Variants in MAP1LC3A observed in about 807,000 individuals in gnomAD.
MAP1LC3A encodes microtubule associated protein 1 light chain 3 alpha, also known as microtubule-associated protein 1 light chain 3 alpha.
A neutral mutation model predicts 15.2 loss-of-function variants in MAP1LC3A; 10 were observed. The ratio of observed to expected loss-of-function variants is 0.66; its 90% CI spans 0.41 to 1.12. The LOEUF (loss-of-function observed/expected upper bound fraction) is 1.12. MAP1LC3A is among the 50% of genes most tolerant of loss of function. MAP1LC3A has a pLI of 0.00. For synonymous variants in MAP1LC3A, 63 were observed against 64.3 expected, an observed-to-expected ratio of 0.98 and a Z score of 0.10; for missense variants, 138 against 167.3, an observed-to-expected ratio of 0.82 and a Z score of 0.97.
At chr20:34,549,853 A>G (rs1208655248) in intron 1 of MAP1LC3A, 3 of 748,762 alleles carry the variant, frequency 4.0e-6, no homozygotes, top group Non-Finnish European at 7.0e-6. Flanking sequence ...GTCCAGAGTC[A>G]GTCCCTCCTG....
intron 2 of MAP1LC3A, among the ~76,000 whole-genome samples, chr20:34,553,335 C>T (rs1279507437): frequency 6.6e-6 from 1 of 152,040 alleles, no homozygotes; most frequent in Non-Finnish European, 1.5e-5. Context: ...CAAGCAGACA[C>T]ATGAAGTAGA....
upstream of MAP1LC3A, among the ~76,000 whole-genome samples, chr20:34,555,272 A>T (rs1982113106): frequency 6.6e-6 from 1 of 151,850 alleles, no homozygotes. Flanking sequence ...CAGCCTCCCA[A>T]GTAGCTGAGA....
rs140921336 is a variant in MAP1LC3A, at chr20:34,550,611, G to A, written c.52+582G>A. On this transcript the variant is annotated intron_variant, in intron 2 of 4. Transcript: ENST00000374837. ...ACCACTACACACCCGCCAAAATGGC[G>A]AAACGAAAATGAACACCACCAAACG... 1.7e-3 allele frequency among the ~76,000 whole-genome samples: 257 copies of A among 152,206 alleles called. 1 individual carries two copies. Among genetic ancestry groups the A allele is most frequent in the African/African-American group, 5.7e-3 (238 of 41,510 alleles).
At chr20:34,556,067 C>T (rs1455222401), upstream of MAP1LC3A, among the ~76,000 whole-genome samples, 2 of 152,110 alleles carry the variant, frequency 1.3e-5, no homozygotes, top group African/African-American at 4.8e-5. Context: ...TGGTCTCGAT[C>T]TCCTGACCTC....
Position 34,559,966 on chromosome 20 carries a change from G to A in MAP1LC3A, c.*68G>A. ...GTCAGGCCCTGCCCAGAGAGCTCCT[G>A]GTTCCTGAACTGAGCTGCCTCTACC... is the stretch of plus-strand genomic sequence containing the variant. On this transcript the variant is annotated 3_prime_UTR_variant, in exon 4 of 4. Transcript: ENST00000360668. The A allele has an allele frequency of 1.3e-6, 2 of 1,527,290 alleles. No individual in the cohort carries two copies. The highest frequency in any genetic ancestry group is 1.8e-6 in the Non-Finnish European group (2 of 1,133,816). 94.6% of individuals were successfully genotyped at this position (1,527,290 alleles called of 1,614,324 possible). A position where few individuals can be genotyped will look rare whatever the true frequency, so the allele number is the denominator to read the frequency against.
At chr20:34,555,468 C>T (rs374064424), upstream of MAP1LC3A, among the ~76,000 whole-genome samples, 27 of 151,730 alleles carry the variant, frequency 1.8e-4, no homozygotes, top group Non-Finnish European at 2.6e-4. Context: ...TTTGTAGAGA[C>T]GGGGTCTCAC....
chr20:34,550,982 T>C (rs1206782376), intron 2 of MAP1LC3A, among the ~76,000 whole-genome samples: 1 of 152,030 alleles, frequency 6.6e-6, no homozygotes, highest in Non-Finnish European at 1.5e-5. Flanking sequence ...GCACGGTGGC[T>C]CATGCTTGTA....
chr20:34,548,196 G>A (rs1981811073), intron 1 of MAP1LC3A, among the ~76,000 whole-genome samples: 1 of 152,220 alleles, frequency 6.6e-6, no homozygotes, highest in Non-Finnish European at 1.5e-5. Flanking sequence ...TCCTTTGGAC[G>A]TGTTGAGTTC....
At chr20:34,556,374 T>C (rs1982158747), upstream of MAP1LC3A, among the ~76,000 whole-genome samples, 1 of 152,222 alleles carries the variant, frequency 6.6e-6, no homozygotes, top group Non-Finnish European at 1.5e-5. Flanking sequence ...TTGAAAATAA[T>C]GTGTTGGTCT....
upstream of MAP1LC3A, among the ~76,000 whole-genome samples, chr20:34,553,788 TG>T (rs1328762069): frequency 6.6e-6 from 1 of 152,182 alleles, no homozygotes; most frequent in African/African-American, 2.4e-5. Flanking sequence ...ATTTACTGTC[TG>T]GCCCTTTAAG....
Position 34,558,894 on chromosome 20 carries a change from A to G in MAP1LC3A, c.26A>G (p.Gln9Arg). MPSDRPFK[Q>R]RRSFADRCKE... is the part of the protein sequence containing the mutation. ...ATGCCCTCAGACCGGCCTTTCAAGC[A>G]GCGGCGGAGCTTCGGTGAGGCCCGG... The change falls in exon 1 of 4, where the codon CAG becomes CGG. Residue 9 changes from glutamine to arginine, a missense_variant. Physicochemically the swap from Gln to Arg is conservative, Grantham distance 43. Coordinates refer to ENST00000360668, the MANE Select transcript of MAP1LC3A (RefSeq NM_032514.4). This position sits in a 1 kb window ranked among gnomAD's most constrained non-coding sequence, Gnocchi z 4.3. 1 of 1,420,598 alleles carries G rather than the reference A, an allele frequency of 7.0e-7. No homozygotes were observed. The highest frequency in any genetic ancestry group is 9.2e-7 in the Non-Finnish European group (1 of 1,092,114). The allele number at this position is 1,420,598 out of a possible 1,614,324, so 88.0% of individuals were successfully genotyped here.
upstream of MAP1LC3A, among the ~76,000 whole-genome samples, chr20:34,554,858 G>A (rs1347800900): frequency 6.6e-6 from 1 of 150,720 alleles, no homozygotes; most frequent in Admixed American, 6.6e-5. Context: ...TGTAATTTTT[G>A]TATTTTGTAT....
At chr20:34,558,439 C>G, upstream of MAP1LC3A, 2 of 997,148 alleles carry the variant, frequency 2.0e-6, no homozygotes, top group Non-Finnish European at 2.4e-6. This position sits in a 1 kb window ranked among gnomAD's most constrained non-coding sequence, Gnocchi z 4.3. Flanking sequence ...GAAGTGGTGC[C>G]GTGGGGCTGC....
chr20:34,551,245 CAA>C (rs529127786), intron 2 of MAP1LC3A, among the ~76,000 whole-genome samples: 8 of 124,882 alleles, frequency 6.4e-5, no homozygotes, highest in Non-Finnish European at 1.0e-4. Context: ...GACTCTGTCT[CAA>C]AAAAAAAAAA....
chr20:34,550,002 C>G, exon 2 of MAP1LC3A: 1 of 1,614,192 alleles, frequency 6.2e-7, no homozygotes, highest in Non-Finnish European at 8.5e-7. Context: ...CTTCAGTTCT[C>G]CATGTGGAAA....
chr20:34,557,644 C>T (rs1315344442), upstream of MAP1LC3A, among the ~76,000 whole-genome samples: 1 of 152,046 alleles, frequency 6.6e-6, no homozygotes, highest in Non-Finnish European at 1.5e-5. Flanking sequence ...ATTATTTCGG[C>T]GGCCAGGCGT....
At chr20:34,553,658 CTGTT>C (rs1182409565) in intron 2 of MAP1LC3A, among the ~76,000 whole-genome samples, 1 of 152,170 alleles carries the variant, frequency 6.6e-6, no homozygotes, top group Admixed American at 6.5e-5. Flanking sequence ...TCAGTTAAGT[CTGTT>C]TGTTTTGGCA....
intron 2 of MAP1LC3A, among the ~76,000 whole-genome samples, chr20:34,553,582 CTG>C (rs774123519): frequency 1.3e-5 from 2 of 152,190 alleles, no homozygotes; most frequent in Non-Finnish European, 2.9e-5. Context: ...TTCTGTGGCA[CTG>C]TGTGTGTGAG....
intron 1 of MAP1LC3A, chr20:34,546,956 G>GT (rs1981755837): frequency 6.6e-6 from 1 of 152,312 alleles, no homozygotes. Flanking sequence ...CGGAGAGATC[G>GT]TAAGGGGCCT....
Sources: allele counts gnomAD v4.1 joint callset (sites outside exome capture counted in the v4.1 genomes callset), GRCh38; gene constraint gnomAD v4.1.1; non-coding constraint Gnocchi (gnomAD v3.1); transcripts MANE v1.5; gene names NCBI Gene and HGNC (gene_info 2026-07-23, HGNC 2026-07-21).